PARD3: variants seen among roughly 807,000 people sequenced by gnomAD.
PARD3 encodes partitioning defective 3 homolog.
A neutral mutation model predicts 155.4 loss-of-function variants in PARD3; 75 were observed. That is an observed-to-expected ratio of 0.48 (90% CI 0.40 to 0.58). The LOEUF (loss-of-function observed/expected upper bound fraction) is 0.58, where lower values mean the gene tolerates loss of function less well. Ranked by LOEUF, PARD3 falls within the 20% of genes least tolerant of loss-of-function variation. PARD3 has a pLI of 0.00. For synonymous variants in PARD3, 576 were observed against 610.5 expected (o/e 0.94, Z 0.83); for missense variants, 1,642 against 1,721.7 (o/e 0.95, Z 0.82).
intron 20 of PARD3, among the ~76,000 whole-genome samples, chr10:34,287,866 A>G (rs1474475756): frequency 6.6e-6 from 1 of 152,190 alleles, no homozygotes; most frequent in Non-Finnish European, 1.5e-5. Flanking sequence ...TGGAATAACT[A>G]TTTTTTGTAA....
At chr10:34,792,740 C>T (rs1316849284) in intron 1 of PARD3, among the ~76,000 whole-genome samples, 1 of 152,222 alleles carries the variant, frequency 6.6e-6, no homozygotes, top group African/African-American at 2.4e-5. Flanking sequence ...GGACTCCAGG[C>T]ACTGCTCATG....
chr10:34,679,955 G>A (rs2093780621), intron 2 of PARD3, among the ~76,000 whole-genome samples: 1 of 152,090 alleles, frequency 6.6e-6, no homozygotes, highest in Non-Finnish European at 1.5e-5. Context: ...TGCAAGGTGT[G>A]AGGACAGAAA....
At chr10:34,344,838 G>A in intron 15 of PARD3, 1 of 985,360 alleles carries the variant, frequency 1.0e-6, no homozygotes, top group Non-Finnish European at 1.2e-6. Context: ...TCATGATAAA[G>A]AAAAACATGC....
At chr10:34,329,362 T>C (rs1454633558) in intron 19 of PARD3, among the ~76,000 whole-genome samples, 1 of 152,014 alleles carries the variant, frequency 6.6e-6, no homozygotes, top group Non-Finnish European at 1.5e-5. Flanking sequence ...AAAATATATA[T>C]CAAGGGGCCA....
chr10:34,497,626 T>C (rs971851285), intron 3 of PARD3, among the ~76,000 whole-genome samples: 1 of 152,224 alleles, frequency 6.6e-6, no homozygotes, highest in Non-Finnish European at 1.5e-5. Flanking sequence ...GAACAGGTTG[T>C]GCTGACTTTA....
chr10:34,341,927 G>C (rs939883782), intron 15 of PARD3, 111 bp from the exon 16 acceptor site: 1 of 621,260 alleles, frequency 1.6e-6, no homozygotes, highest in Non-Finnish European at 2.7e-6. Flanking sequence ...CCACATATCT[G>C]CTCAACCTGG....
At chr10:34,263,521 T>C (rs1250259714) in intron 22 of PARD3, among the ~76,000 whole-genome samples, 1 of 152,110 alleles carries the variant, frequency 6.6e-6, no homozygotes, top group East Asian at 1.9e-4. Flanking sequence ...TAGTTGGGCA[T>C]CATGTCATAT....
At chr10:34,560,936 C>T (rs1421681823) in intron 2 of PARD3, among the ~76,000 whole-genome samples, 1 of 152,120 alleles carries the variant, frequency 6.6e-6, no homozygotes, top group African/African-American at 2.4e-5. Flanking sequence ...GCTCTCAGAC[C>T]TTCCCTCTGG....
intron 3 of PARD3, among the ~76,000 whole-genome samples, chr10:34,514,425 T>C (rs1406182421): frequency 2.6e-5 from 4 of 152,190 alleles, no homozygotes; most frequent in Admixed American, 1.3e-4. Context: ...GCATGGCCAG[T>C]ATGGACAAAT....
intron 3 of PARD3, among the ~76,000 whole-genome samples, chr10:34,509,323 A>G (rs957129045): frequency 6.6e-6 from 1 of 152,078 alleles, no homozygotes; most frequent in Non-Finnish European, 1.5e-5. Context: ...ATCATTCCCT[A>G]AAAAGGTTCT....
At chr10:34,434,412 T>A (rs2076091575) in intron 5 of PARD3, among the ~76,000 whole-genome samples, 1 of 152,172 alleles carries the variant, frequency 6.6e-6, no homozygotes. Flanking sequence ...TATATCACAA[T>A]AGATTATGAA....
intron 24 of PARD3, among the ~76,000 whole-genome samples, chr10:34,119,183 G>A (rs1207856023): frequency 1.3e-5 from 2 of 152,174 alleles, no homozygotes; most frequent in Admixed American, 6.5e-5. Flanking sequence ...ACACAACCAC[G>A]GCGTATGCAG....
rs544791735 is a variant in PARD3, at chr10:34,519,056, C to G, written c.223-1897G>C. Reference sequence around the variant, plus strand: ...CATCTAATCGTGAGGAAACATCAGACAAACCCAAATTGAGGGATATTCTGA... The same window carrying G: ...CATCTAATCGTGAGGAAACATCAGAGAAACCCAAATTGAGGGATATTCTGA... On this transcript the variant is annotated intron_variant, in intron 2 of 24. Transcript: ENST00000374788. 2.0e-5 allele frequency among the ~76,000 whole-genome samples: 3 copies of G among 152,244 alleles called. No individual in the cohort carries two copies. The East Asian group carries it at 5.8e-4, about 29-fold the overall frequency.
chr10:34,709,276 T>G (rs1193126571), intron 1 of PARD3, among the ~76,000 whole-genome samples: 2 of 152,224 alleles, frequency 1.3e-5, no homozygotes, highest in African/African-American at 4.8e-5. Flanking sequence ...GAAACCAAGT[T>G]TGTATTAAGT....
At chr10:34,411,640 C>G (rs1349128471) in intron 5 of PARD3, among the ~76,000 whole-genome samples, 1 of 151,942 alleles carries the variant, frequency 6.6e-6, no homozygotes, top group Non-Finnish European at 1.5e-5. Context: ...TTGGTGACTG[C>G]AGATCTTGGG....
chr10:34,454,475 G>C (rs708399), intron 4 of PARD3, among the ~76,000 whole-genome samples: 1 of 151,578 alleles, frequency 6.6e-6, no homozygotes, highest in Non-Finnish European at 1.5e-5. Context: ...ATCTATTCAA[G>C]ACTATATATG....
At chr10:34,398,362 A>C (rs1843548539) in intron 7 of PARD3, among the ~76,000 whole-genome samples, 1 of 152,220 alleles carries the variant, frequency 6.6e-6, no homozygotes, top group African/African-American at 2.4e-5. Flanking sequence ...ACTTGACAAC[A>C]GTTTAAACTA....
intron 20 of PARD3, among the ~76,000 whole-genome samples, chr10:34,291,294 A>C (rs1956664706): frequency 6.6e-6 from 1 of 152,196 alleles, no homozygotes; most frequent in Admixed American, 6.5e-5. Flanking sequence ...ATCCCACTGC[A>C]AGCTAGGACA....
chr10:34,308,584 G>A lies in PARD3; in HGVS notation c.3065+8523C>T, dbSNP rs561196294. The stretch of plus-strand genomic sequence containing the variant: ...ATTATCTGAGAAAGGGAAGGCTCGC[G>A]GGAGCAGTTTGCGGGGAGGGGGAAT... On this transcript the variant is annotated intron_variant, in intron 20 of 24. Transcript: ENST00000374788. Among the ~76,000 whole-genome samples, 13 of 152,296 alleles carry A rather than the reference G, an allele frequency of 8.5e-5. No individual in the cohort carries two copies. The South Asian group carries it at 1.9e-3, about 22-fold the overall frequency.
Sources: gnomAD v4.1 joint callset for allele counts (sites outside exome capture counted in the v4.1 genomes callset) on GRCh38, gnomAD v4.1.1 for gene constraint, MANE v1.5 for transcripts, NCBI Gene and HGNC (gene_info 2026-07-23, HGNC 2026-07-21) for gene names.